Variants in SNTG2 observed in about 807,000 individuals in gnomAD.
SNTG2 encodes the protein gamma-2-syntrophin.
In SNTG2, 74 loss-of-function variants were observed where a neutral mutation model predicts 70.9. The observed-to-expected ratio is 1.04, with a 90% CI of 0.86 to 1.27. The LOEUF (loss-of-function observed/expected upper bound fraction) is 1.27. Among genes scored for constraint, SNTG2 ranks in the 50% most tolerant of loss-of-function variants. The pLI, the probability that SNTG2 is intolerant of heterozygous loss-of-function variation, is 0.00. For synonymous variants in SNTG2, 278 were observed against 273.8 expected, an observed-to-expected ratio of 1.02 and a Z score of -0.15; for missense variants, 717 against 690.7, an observed-to-expected ratio of 1.04 and a Z score of -0.43.
At chr2:1,322,229 T>C (rs1314482465) in intron 16 of SNTG2, among the ~76,000 whole-genome samples, 3 of 152,194 alleles carry the variant, frequency 2.0e-5, no homozygotes, top group Non-Finnish European at 4.4e-5. Context: ...AATGGTAAAT[T>C]GAAGTTAAAG....
At chr2:1,277,816 C>T (rs1679329666) in intron 14 of SNTG2, among the ~76,000 whole-genome samples, 1 of 152,170 alleles carries the variant, frequency 6.6e-6, no homozygotes, top group African/African-American at 2.4e-5. Context: ...GAAGACAGCC[C>T]AGTGGCTCCT....
At chr2:1,231,009 GAATTACTT>G (rs1558569720) in intron 9 of SNTG2, among the ~76,000 whole-genome samples, 54 of 149,986 alleles carry the variant, frequency 3.6e-4, no homozygotes, top group African/African-American at 1.3e-3. Flanking sequence ...TCCGAAAGGT[GAATTACTT>G]AGGATAATGA....
chr2:1,281,998 ACT>A (rs1205438573), intron 14 of SNTG2, among the ~76,000 whole-genome samples: 2 of 151,974 alleles, frequency 1.3e-5, no homozygotes, highest in Non-Finnish European at 1.5e-5. Flanking sequence ...AAATCTCCTG[ACT>A]CTGAAAATCT....
At chr2:1,077,351 T>C (rs530970357) in intron 1 of SNTG2, among the ~76,000 whole-genome samples, 1 of 152,366 alleles carries the variant, frequency 6.6e-6, no homozygotes, top group African/African-American at 2.4e-5. Context: ...CTATTCCTTT[T>C]AAACATTTAC....
intron 16 of SNTG2, among the ~76,000 whole-genome samples, chr2:1,366,381 G>A (rs1018592992): frequency 8.5e-5 from 13 of 152,150 alleles, no homozygotes; most frequent in Non-Finnish European, 1.8e-4. Flanking sequence ...TTTAACTTCT[G>A]TGTCAGCTTT....
At chr2:1,057,814 T>C (rs1207431813) in intron 1 of SNTG2, among the ~76,000 whole-genome samples, 1 of 145,274 alleles carries the variant, frequency 6.9e-6, no homozygotes, top group East Asian at 2.5e-4. Context: ...AAACAATTAG[T>C]ATAAAGTTGC....
intron 1 of SNTG2, among the ~76,000 whole-genome samples, chr2:1,060,516 A>G (rs1000494667): frequency 2.0e-5 from 3 of 152,176 alleles, no homozygotes; most frequent in African/African-American, 7.2e-5. Context: ...TCTTCTTCAC[A>G]AAAGGGAACC....
chr2:1,255,943 T>TATAA, intron 12 of SNTG2, among the ~76,000 whole-genome samples: 1 of 119,882 alleles, frequency 8.3e-6, no homozygotes, highest in African/African-American at 3.0e-5. Flanking sequence ...TAAATATATA[T>TATAA]ATATATAACT....
At chr2:1,294,146 C>T (rs1680102918) in intron 14 of SNTG2, among the ~76,000 whole-genome samples, 1 of 152,188 alleles carries the variant, frequency 6.6e-6, no homozygotes, top group South Asian at 2.1e-4. Flanking sequence ...CTCAGTGGCT[C>T]CTATTTTTTG....
intron 1 of SNTG2, among the ~76,000 whole-genome samples, chr2:992,886 C>G (rs1201797298): frequency 1.3e-5 from 2 of 152,082 alleles, no homozygotes; most frequent in Admixed American, 1.3e-4. Context: ...GCAGCCATCC[C>G]TATAGTCCAA....
intron 16 of SNTG2, among the ~76,000 whole-genome samples, chr2:1,335,180 CG>C (rs1180224432): frequency 7.6e-6 from 1 of 132,290 alleles, no homozygotes; most frequent in Non-Finnish European, 1.6e-5. Flanking sequence ...TACCCCCGTG[CG>C]TTCCTCTGCA....
In SNTG2 at chr2:1,155,106, A is replaced by T. The variant is rs144583846; in HGVS notation, c.412-10442A>T. Among the ~76,000 whole-genome samples the T allele has an allele frequency of 6.7e-3, 1,013 of 150,302 alleles. 5 individuals are homozygous for T. Among genetic ancestry groups the T allele is most frequent in the Non-Finnish European group, 0.01 (693 of 67,764 alleles). ...CACACCATACATTAAACATACACAC[A>T]TAACACCCACATATACATACAACAC... On this transcript the variant is annotated intron_variant, in intron 6 of 16. Transcript: ENST00000308624.
intron 16 of SNTG2, among the ~76,000 whole-genome samples, chr2:1,330,505 G>A (rs1458917900): frequency 6.6e-6 from 1 of 152,134 alleles, no homozygotes; most frequent in African/African-American, 2.4e-5. Context: ...GCAGCAAGGT[G>A]GAGCAGGCAG....
chr2:1,137,522 C>A, intron 4 of SNTG2, 100 bp from the exon 5 acceptor site: 35 of 1,185,640 alleles, frequency 3.0e-5, no homozygotes, highest in Non-Finnish European at 3.4e-5. Flanking sequence ...ACACACGTGG[C>A]CACTTCAGCT....
At chr2:1,134,797 C>T (rs970976225) in intron 4 of SNTG2, among the ~76,000 whole-genome samples, 6 of 152,160 alleles carry the variant, frequency 3.9e-5, no homozygotes, top group Admixed American at 3.9e-4. Context: ...TGGGGAGGCT[C>T]CAGCCGCACA....
chr2:1,262,581 G>A (rs1302750663), intron 13 of SNTG2, among the ~76,000 whole-genome samples: 1 of 152,138 alleles, frequency 6.6e-6, no homozygotes, highest in Non-Finnish European at 1.5e-5. Flanking sequence ...GCCGGGTCAA[G>A]TCTCAGTCCA....
intron 12 of SNTG2, among the ~76,000 whole-genome samples, chr2:1,252,329 A>G (rs541521871): frequency 2.6e-5 from 4 of 152,352 alleles, no homozygotes; most frequent in Non-Finnish European, 4.4e-5. Context: ...ATGACTTCAT[A>G]TAGTTTATAA....
At chr2:1,140,619 C>T (rs1232431116) in intron 6 of SNTG2, among the ~76,000 whole-genome samples, 1 of 152,256 alleles carries the variant, frequency 6.6e-6, no homozygotes, top group Non-Finnish European at 1.5e-5. Context: ...AGAACAACAG[C>T]CTGGCAGGGC....
At chr2:1,285,369 A>G (rs1214106053) in intron 14 of SNTG2, among the ~76,000 whole-genome samples, 1 of 152,062 alleles carries the variant, frequency 6.6e-6, no homozygotes, top group Admixed American at 6.6e-5. Flanking sequence ...CCATAAGTCC[A>G]CCCCTTGTCA....
Sources: allele counts gnomAD v4.1 joint callset (sites outside exome capture counted in the v4.1 genomes callset), GRCh38; gene constraint gnomAD v4.1.1; transcripts MANE v1.5; gene names NCBI Gene and HGNC (gene_info 2026-07-23, HGNC 2026-07-21).